The following RHOBTB2 variants were observed in gnomAD, a reference collection of about 807,000 sequenced individuals.
The protein encoded by RHOBTB2 is Rho related BTB domain containing 2.
Under a neutral mutation model 66.5 loss-of-function variants are expected in RHOBTB2, and 39 were observed. The observed-to-expected ratio is 0.59, with a 90% CI of 0.45 to 0.77. RHOBTB2 has a LOEUF of 0.77. RHOBTB2 is among the 30% of genes least tolerant of loss of function. RHOBTB2 has a pLI of 0.00. For synonymous variants in RHOBTB2, 390 were observed against 395.0 expected, an observed-to-expected ratio of 0.99 and a Z score of 0.15; for missense variants, 755 against 999.1, an observed-to-expected ratio of 0.76 and a Z score of 3.29.
At position 23,007,183 on chromosome 8, in the gene RHOBTB2, G is replaced by A. The variant is rs939187701; in HGVS notation, c.938G>A (p.Gly313Asp). Residue 313 changes from glycine (G) to aspartate (D), a missense_variant, in exon 5 of 10, where the codon GGC becomes GAC. Gly to Asp is a moderately conservative substitution (Grantham distance 94). Around this residue, in one of 7 missense-constraint regions of RHOBTB2, gnomAD observed 247 missense variants for 238.9 expected, o/e 1.03. Coordinates refer to ENST00000251822, the MANE Select transcript of RHOBTB2 (RefSeq NM_015178.3). ...GELGGPSEPG[G>D]THPEDHQGHS... is the part of the protein sequence containing the mutation. Reference sequence around the variant, plus strand: ...CTGGGGGGCCCCTCGGAGCCAGGGGGCACCCACCCAGAGGACCACCAGGGC... The same window carrying A: ...CTGGGGGGCCCCTCGGAGCCAGGGGACACCCACCCAGAGGACCACCAGGGC... 3.1e-6 allele frequency: 5 copies of A among 1,603,664 alleles called. No homozygotes were observed. The highest frequency in any genetic ancestry group is 1.6e-4 in the Middle Eastern group (1 of 6,070).
intron 1 of RHOBTB2, among the ~76,000 whole-genome samples, chr8:22,990,108 C>T (rs1374368217): frequency 2.0e-5 from 3 of 152,148 alleles, no homozygotes; most frequent in South Asian, 4.1e-4. Flanking sequence ...GACATGATAG[C>T]ATATCATCAT....
intron 9 of RHOBTB2, among the ~76,000 whole-genome samples, chr8:23,016,685 T>C (rs1181774441): frequency 6.6e-6 from 1 of 152,130 alleles, no homozygotes; most frequent in Non-Finnish European, 1.5e-5. Flanking sequence ...GTGCTAGGAT[T>C]ATAGGCATGA....
the RHOBTB2 span, among the ~76,000 whole-genome samples, chr8:22,955,761 G>A: frequency 1.1e-4 from 16 of 151,880 alleles, 1 homozygote; most frequent in South Asian, 1.7e-3. Flanking sequence ...GTAGAGATGC[G>A]GTCTCATTAT....
At position 23,007,993 on chromosome 8, in the gene RHOBTB2, A is replaced by C; in HGVS notation, c.1502A>C (p.Asp501Ala). The change falls in exon 6 of 10, where the codon GAT (aspartate) becomes GCT (alanine). Residue 501 changes from aspartate to alanine, a missense_variant and splice_region_variant. By Grantham distance (126) the Asp-to-Ala change is moderately radical. Transcript: ENST00000251822. ...CTCCTGTGATGCTTCTTCTGGACAG[A>C]TGTGACCTTCATCCTGGATGATGGC... The part of the protein sequence containing the change: ...KECLAKGTFS[D>A]VTFILDDGTI... 1 of 1,613,236 alleles carries C rather than the reference A, an allele frequency of 6.2e-7. No individual in the cohort carries two copies. The highest frequency in any genetic ancestry group is 8.5e-7 in the Non-Finnish European group (1 of 1,179,300).
chr8:22,960,200 A>C, the RHOBTB2 span, among the ~76,000 whole-genome samples: 1 of 151,502 alleles, frequency 6.6e-6, no homozygotes, highest in Non-Finnish European at 1.5e-5. Context: ...AAACAAAAAA[A>C]CAAGAACAAA....
chr8:22,985,553 T>A (rs1029169215), upstream of RHOBTB2, among the ~76,000 whole-genome samples: 1 of 152,206 alleles, frequency 6.6e-6, no homozygotes, highest in Non-Finnish European at 1.5e-5. Flanking sequence ...GAGGCTTTCC[T>A]CCTCAGAGGC....
intron 6 of RHOBTB2, among the ~76,000 whole-genome samples, chr8:23,008,890 G>A (rs564624892): frequency 1.2e-4 from 19 of 152,196 alleles, no homozygotes; most frequent in African/African-American, 4.6e-4. Context: ...GAGGTAGTGG[G>A]CTGTGGGCTC....
chr8:22,986,126 C>A (rs1348653829), upstream of RHOBTB2, among the ~76,000 whole-genome samples: 1 of 147,062 alleles, frequency 6.8e-6, no homozygotes, highest in Non-Finnish European at 1.5e-5. Flanking sequence ...GGGAACACTG[C>A]AAGGACGGTG....
intron 5 of RHOBTB2, 38 bp from the exon 6 acceptor site, chr8:23,007,955 T>G: frequency 1.3e-6 from 2 of 1,589,650 alleles, no homozygotes; most frequent in Non-Finnish European, 1.7e-6. Flanking sequence ...TCTCCCAGCT[T>G]CTTTCACCAG....
chr8:22,990,053 T>C (rs1264263697), intron 1 of RHOBTB2, among the ~76,000 whole-genome samples: 1 of 152,164 alleles, frequency 6.6e-6, no homozygotes, highest in Non-Finnish European at 1.5e-5. Flanking sequence ...AAACATTCAG[T>C]AAGTTATTAT....
At chr8:23,015,313 G>A (rs940191774) in intron 8 of RHOBTB2, among the ~76,000 whole-genome samples, 3 of 152,170 alleles carry the variant, frequency 2.0e-5, no homozygotes, top group Non-Finnish European at 2.9e-5. Flanking sequence ...ATGTGGAGGA[G>A]AGAGAAGTCA....
intron 8 of RHOBTB2, among the ~76,000 whole-genome samples, 190 bp downstream of exon 8, chr8:23,014,968 G>A (rs775139980): frequency 4.4e-4 from 67 of 152,150 alleles, no homozygotes; most frequent in African/African-American, 8.2e-4. Flanking sequence ...TGGTGTACCC[G>A]GAGGGGAGCT....
At chr8:22,955,550 T>C in the RHOBTB2 span, among the ~76,000 whole-genome samples, 1 of 151,196 alleles carries the variant, frequency 6.6e-6, no homozygotes, top group African/African-American at 2.4e-5. Flanking sequence ...CATCCATCAA[T>C]TCATTCAATA....
At chr8:22,984,913 T>G (rs1373518915), upstream of RHOBTB2, 4 of 151,296 alleles carry the variant, frequency 2.6e-5, no homozygotes, top group Non-Finnish European at 5.9e-5. Flanking sequence ...CAGAGTAAGA[T>G]TCCATCTCAA....
At chr8:22,958,382 G>C in the RHOBTB2 span, among the ~76,000 whole-genome samples, 3 of 152,164 alleles carry the variant, frequency 2.0e-5, no homozygotes, top group Non-Finnish European at 4.4e-5. Context: ...TTTAAATGCT[G>C]GCAAACTGGG....
the RHOBTB2 span, among the ~76,000 whole-genome samples, chr8:22,966,346 T>C: frequency 0.91 from 137,862 of 151,912 alleles, 62,620 homozygotes; most frequent in East Asian, 0.96. Flanking sequence ...GAGTAAGACT[T>C]TGTCTCAAAA....
the RHOBTB2 span, among the ~76,000 whole-genome samples, chr8:22,967,377 G>A: frequency 1.6e-4 from 24 of 152,092 alleles, no homozygotes; most frequent in Non-Finnish European, 3.2e-4. Flanking sequence ...GGGAGGCTGA[G>A]GCGGGTGGAT....
chr8:22,978,107 A>C, the RHOBTB2 span: 1 of 152,154 alleles, frequency 6.6e-6, no homozygotes, highest in African/African-American at 2.4e-5. Flanking sequence ...AGCCTGGGCA[A>C]CATAGTGAGA....
chr8:23,009,385 C>T (rs548139989), intron 6 of RHOBTB2, among the ~76,000 whole-genome samples: 5 of 152,208 alleles, frequency 3.3e-5, no homozygotes, highest in Non-Finnish European at 7.4e-5. Flanking sequence ...TTTTCCATTC[C>T]AAGCAGAGTA....
Sources: gnomAD v4.1 joint callset for allele counts (sites outside exome capture counted in the v4.1 genomes callset) on GRCh38, gnomAD v4.1.1 for gene constraint, gnomAD v4.1.1 regional missense constraint, MANE v1.5 for transcripts, NCBI Gene and HGNC (gene_info 2026-07-23, HGNC 2026-07-21) for gene names.